Variants in GLCE observed in about 807,000 individuals in gnomAD.
GLCE encodes D-glucuronyl C5-epimerase.
GLCE carries 19 observed loss-of-function variants against 47.9 expected under a neutral mutation model. That is an observed-to-expected ratio of 0.40 (90% CI 0.28 to 0.58). GLCE has a LOEUF of 0.58. GLCE is among the 20% of genes least tolerant of loss of function. GLCE has a pLI of 0.48. For missense variants in GLCE, 556 were observed against 743.3 expected, an observed-to-expected ratio of 0.75 and a Z score of 2.93; for synonymous variants, 245 against 263.4, an observed-to-expected ratio of 0.93 and a Z score of 0.68.
intron 2 of GLCE, among the ~76,000 whole-genome samples, chr15:69,224,509 CA>C (rs1193775918): frequency 6.6e-6 from 1 of 152,102 alleles, no homozygotes; most frequent in East Asian, 1.9e-4. Flanking sequence ...TTCAGGGGAG[CA>C]GGGGGGCTCT....
intron 1 of GLCE, among the ~76,000 whole-genome samples, chr15:69,186,160 T>C (rs1471104533): frequency 6.6e-6 from 1 of 152,124 alleles, no homozygotes; most frequent in Non-Finnish European, 1.5e-5. Context: ...ACCAGTTTTC[T>C]TGGGTTTTTA....
intron 1 of GLCE, among the ~76,000 whole-genome samples, chr15:69,166,690 C>T (rs550910893): frequency 2.6e-4 from 40 of 152,188 alleles, no homozygotes; most frequent in African/African-American, 9.4e-4. Flanking sequence ...GAGGCCGAGG[C>T]GGGCGGATTA....
chr15:69,249,645 C>T (rs1319764575), intron 2 of GLCE, among the ~76,000 whole-genome samples: 1 of 151,962 alleles, frequency 6.6e-6, no homozygotes, highest in African/African-American at 2.4e-5. Flanking sequence ...GGAAAAAAAG[C>T]CAATAACAAT....
chr15:69,227,572 C>T (rs150922148), intron 2 of GLCE, among the ~76,000 whole-genome samples: 47 of 152,140 alleles, frequency 3.1e-4, no homozygotes, highest in Middle Eastern at 3.4e-3. Context: ...CGCTGTGAGC[C>T]GAACATAAAC....
intron 2 of GLCE, among the ~76,000 whole-genome samples, chr15:69,233,611 AAGGAAAAAGAACAGTCTCTATCC>A (rs1199696863): frequency 6.6e-6 from 1 of 152,188 alleles, no homozygotes; most frequent in South Asian, 2.1e-4. Context: ...TTTCAGCACT[AAGGAAAAAGAACAGTCTCTATCC>A]TTATTACATA....
At position 69,260,953 on chromosome 15, in the gene GLCE, C is replaced by G. The variant is rs1251973787; in HGVS notation, c.587-134C>G. The G allele has an allele frequency of 6.9e-6, 5 of 728,226 alleles. No individual in the cohort carries two copies. The East Asian group carries it at 1.3e-4, about 19-fold the overall frequency. The allele number at this position is 728,226 out of a possible 1,614,324, so 45.1% of individuals were successfully genotyped here. A position where few individuals can be genotyped will look rare whatever the true frequency, so the allele number is the denominator to read the frequency against. On this transcript the variant is annotated intron_variant, in intron 3 of 4. Transcript: ENST00000261858. ...GTACTAGATCTGGTCATTATGAGAG[C>G]AGTATTATAAGGAAGCCCACAACTT...
chr15:69,231,286 ATTT>A (rs67017442), intron 2 of GLCE, among the ~76,000 whole-genome samples: 2 of 139,682 alleles, frequency 1.4e-5, no homozygotes, highest in Non-Finnish European at 1.6e-5. Context: ...TTGTCCAGTC[ATTT>A]TTTTTTTTTT....
rs753757705 is a variant in GLCE at position 69,256,049 on chromosome 15, G to C, written c.243G>C (p.Gln81His). Residue 81 changes from glutamine (Q) to histidine (H), a missense_variant, in exon 3 of 5, where the codon CAG (glutamine) becomes CAC (histidine). Gln to His is a conservative substitution (Grantham distance 24, BLOSUM62 0). Coordinates refer to ENST00000261858, the MANE Select transcript of GLCE (RefSeq NM_015554.3). ...QQSEEAFPQE[Q>H]QKAPPVVGGF... ...CTGAGGAAGCATTCCCTCAGGAACA[G>C]CAGAAAGCACCCCCTGTTGTTGGGG... 1 of 1,614,070 alleles carries C rather than the reference G, an allele frequency of 6.2e-7. No individual in the cohort carries two copies.
intron 2 of GLCE, among the ~76,000 whole-genome samples, chr15:69,230,180 C>T (rs987269795): frequency 6.7e-6 from 1 of 149,620 alleles, no homozygotes; most frequent in African/African-American, 2.5e-5. Context: ...TGTACTCCAG[C>T]CTGGGTGACA....
At chr15:69,207,431 T>G in intron 1 of GLCE, among the ~76,000 whole-genome samples, 1 of 152,018 alleles carries the variant, frequency 6.6e-6, no homozygotes, top group East Asian at 1.9e-4. Flanking sequence ...ATACCCCAAC[T>G]CCTCTCCTGA....
At chr15:69,227,158 T>C (rs543568709) in intron 2 of GLCE, among the ~76,000 whole-genome samples, 1 of 152,312 alleles carries the variant, frequency 6.6e-6, no homozygotes, top group South Asian at 2.1e-4. Context: ...TGATTTATTG[T>C]TTAAATGCAA....
At chr15:69,248,341 A>G (rs2052784453) in intron 2 of GLCE, among the ~76,000 whole-genome samples, 1 of 152,224 alleles carries the variant, frequency 6.6e-6, no homozygotes, top group Non-Finnish European at 1.5e-5. Flanking sequence ...ATTAAATTAT[A>G]AATCTGTTTT....
In GLCE at chr15:69,193,282, T is replaced by A. The variant is rs151102705; in HGVS notation, c.-104-17034T>A. Among the ~76,000 whole-genome samples the A allele has an allele frequency of 2.6e-5, 4 of 152,276 alleles. No individual in the cohort carries two copies. The East Asian group carries it at 7.7e-4, about 29-fold the overall frequency. On this transcript the variant is annotated intron_variant, in intron 1 of 4. Coordinates refer to ENST00000261858, the MANE Select transcript of GLCE (RefSeq NM_015554.3). ...TCTGGTATCATAGACTTGTGCTGCC[T>A]TTGTTCAGTGCCAGCAAATAGTTTC...
Position 69,268,301 on chromosome 15 carries a change from G to T in GLCE, c.911G>T (p.Gly304Val), listed in dbSNP as rs764816043. The change falls in exon 5 of 5, where the codon GGA (glycine) becomes GTA (valine). Residue 304 changes from glycine (G) to valine (V), a missense_variant. This residue lies in a region of GLCE where 74 missense variants were observed against 64.4 expected (regional missense o/e 1.15). Coordinates refer to ENST00000261858, the MANE Select transcript of GLCE (RefSeq NM_015554.3). Reference sequence around the variant, plus strand: ...TTTGACCTCAAGTTCTTGACAAATGGAAGTGTGTCCGTGGTTCTAGAGACC... The same window carrying T: ...TTTGACCTCAAGTTCTTGACAAATGTAAGTGTGTCCGTGGTTCTAGAGACC... ...ISFDLKFLTN[G>V]SVSVVLETTE... 1 of 1,612,118 alleles carries T rather than the reference G, an allele frequency of 6.2e-7. No homozygotes were observed. Among genetic ancestry groups the T allele is most frequent in the Non-Finnish European group, 8.5e-7 (1 of 1,178,360 alleles).
intron 1 of GLCE, among the ~76,000 whole-genome samples, chr15:69,177,603 A>G (rs1350289752): frequency 6.8e-6 from 1 of 147,928 alleles, no homozygotes; most frequent in African/African-American, 2.6e-5. Context: ...AAGTTTCTTC[A>G]TGCATGCCCC....
intron 1 of GLCE, among the ~76,000 whole-genome samples, chr15:69,161,024 G>A (rs1330172757): frequency 6.6e-6 from 1 of 152,050 alleles, no homozygotes; most frequent in Admixed American, 6.5e-5. Context: ...GGGCTCTTCC[G>A]GCTTGGGGTA....
intron 2 of GLCE, among the ~76,000 whole-genome samples, chr15:69,244,836 G>A (rs974809442): frequency 1.3e-5 from 2 of 152,098 alleles, no homozygotes; most frequent in Non-Finnish European, 1.5e-5. Context: ...TTATGCCTTA[G>A]TCTTTTCATC....
At chr15:69,237,023 A>G (rs550103368) in intron 2 of GLCE, among the ~76,000 whole-genome samples, 38 of 152,228 alleles carry the variant, frequency 2.5e-4, no homozygotes, top group African/African-American at 8.9e-4. Flanking sequence ...TATAATATGG[A>G]TATTACTCTT....
chr15:69,200,616 A>G (rs1456735583), intron 1 of GLCE, among the ~76,000 whole-genome samples: 2 of 152,128 alleles, frequency 1.3e-5, no homozygotes, highest in East Asian at 1.9e-4. Context: ...GGAGATTATG[A>G]TCAGATCAAA....
Sources: allele counts gnomAD v4.1 joint callset (sites outside exome capture counted in the v4.1 genomes callset), GRCh38; gene constraint gnomAD v4.1.1; regional missense constraint gnomAD v4.1.1; transcripts MANE v1.5; gene names NCBI Gene and HGNC (gene_info 2026-07-23, HGNC 2026-07-21).